The following TMEM63B variants were observed in gnomAD, a reference collection of about 807,000 sequenced individuals.
The protein encoded by TMEM63B is mechanosensitive cation channel TMEM63B.
TMEM63B carries 23 observed loss-of-function variants against 102.6 expected under a neutral mutation model. The ratio of observed to expected loss-of-function variants is 0.22; its 90% CI spans 0.16 to 0.32. TMEM63B has a LOEUF of 0.32. Ranked by LOEUF, TMEM63B falls within the 10% of genes least tolerant of loss-of-function variation. TMEM63B has a pLI of 1.00. For missense variants in TMEM63B, 628 were observed against 1,095.9 expected, an observed-to-expected ratio of 0.57 and a Z score of 6.03; for synonymous variants, 444 against 437.0, an observed-to-expected ratio of 1.02 and a Z score of -0.20.
intron 6 of TMEM63B, 26 bp downstream of exon 6, chr6:44,138,543 A>G: frequency 2.5e-6 from 4 of 1,613,804 alleles, no homozygotes; most frequent in Non-Finnish European, 3.4e-6. Context: ...TCAAGCTCTA[A>G]AGAAAGAGAG....
Position 44,152,051 on chromosome 6 carries a change from G to C in TMEM63B, c.1836+43G>C, listed in dbSNP as rs1348028554. On this transcript the variant is annotated intron_variant, in intron 19 of 23. Transcript: ENST00000323267. This position sits in a 1 kb window ranked among gnomAD's most constrained non-coding sequence, Gnocchi z 6.4. The stretch of plus-strand genomic sequence containing the variant: ...AGCAGCGGCCCGCACAGCGCCCCCT[G>C]GTGGCCCAACAAGAAACAGCAGCCA... The C allele has an allele frequency of 6.5e-7, 1 of 1,544,558 alleles. No homozygotes were observed. Among genetic ancestry groups the C allele is most frequent in the Non-Finnish European group, 8.7e-7 (1 of 1,149,226 alleles).
In TMEM63B at chr6:44,139,701, C is replaced by A; in HGVS notation, c.551-7C>A. The A allele has an allele frequency of 1.2e-6, 2 of 1,614,162 alleles. No individual in the cohort carries two copies. The highest frequency in any genetic ancestry group is 1.1e-5 in the South Asian group (1 of 91,082). On this transcript the variant is annotated splice_polypyrimidine_tract_variant and splice_region_variant and intron_variant, in intron 7 of 23. Coordinates refer to ENST00000323267, the MANE Select transcript of TMEM63B (RefSeq NM_018426.3). The stretch of plus-strand genomic sequence containing the variant: ...ACCATCATCCTCTCCCTCTTCCCAC[C>A]CCACAGAGAACAATGCCTACAGCTT...
In TMEM63B at chr6:44,127,813, G is replaced by T. The variant is rs1777488286; in HGVS notation, c.-25+135G>T. On this transcript the variant is annotated intron_variant, in intron 1 of 23. Coordinates refer to ENST00000323267, the MANE Select transcript of TMEM63B (RefSeq NM_018426.3). ...GGGACCCAGAGGTGCCCGGGCCCGC[G>T]GGACCCAGGGGTGGCGCGCGCTGCC... 2.0e-5 allele frequency: 3 copies of T among 151,528 alleles called. No individual in the cohort carries two copies. The South Asian group carries it at 6.3e-4, about 32-fold the overall frequency. The allele number at this position is 151,528 out of a possible 1,614,324, so 9.4% of individuals were successfully genotyped here.
chr6:44,153,865 A>G (rs928318508), intron 21 of TMEM63B, 22 bp downstream of exon 21: 1 of 1,607,920 alleles, frequency 6.2e-7, no homozygotes, highest in Non-Finnish European at 8.5e-7. Flanking sequence ...CTACCCAGGG[A>G]ACGGGGGGTG....
chr6:44,135,518 T>A, intron 4 of TMEM63B, 152 bp downstream of exon 4: 1 of 998,430 alleles, frequency 1.0e-6, no homozygotes, highest in South Asian at 1.8e-5. Context: ...GCGGTGTGCT[T>A]TGCAGAGCAG....
intron 9 of TMEM63B, among the ~76,000 whole-genome samples, chr6:44,140,792 G>T (rs545847156): frequency 3.9e-4 from 59 of 152,202 alleles, no homozygotes; most frequent in African/African-American, 1.4e-3. Flanking sequence ...ATGGGACGGC[G>T]TGGCTCTTTT....
upstream of TMEM63B, chr6:44,127,164 CGGG>C (rs1258121806): frequency 5.7e-5 from 6 of 105,892 alleles, no homozygotes; most frequent in African/African-American, 2.1e-4. Flanking sequence ...CCCTCCCCGT[CGGG>C]ACCCCCCTCC....
intron 5 of TMEM63B, chr6:44,138,256 T>G: frequency 2.2e-6 from 1 of 448,986 alleles, no homozygotes; most frequent in Non-Finnish European, 4.2e-6. Flanking sequence ...GATTCACAGA[T>G]AAACCTGTTT....
At chr6:44,134,848 T>C (rs1190206796) in intron 2 of TMEM63B, 105 bp downstream of exon 2, 5 of 1,529,228 alleles carry the variant, frequency 3.3e-6, no homozygotes, top group African/African-American at 2.7e-5. Flanking sequence ...TTTCCCAGGC[T>C]TAAGCAGGAG....
rs1348264729 is a variant in TMEM63B, at chr6:44,152,198, G to A, written c.1836+190G>A. Among the ~76,000 whole-genome samples, 1 of 152,170 alleles carries A rather than the reference G, an allele frequency of 6.6e-6. No homozygotes were observed. Among genetic ancestry groups the A allele is most frequent in the Non-Finnish European group, 1.5e-5 (1 of 68,020 alleles). On this transcript the variant is annotated intron_variant, in intron 19 of 23. Transcript: ENST00000323267. This position sits in a 1 kb window ranked among gnomAD's most constrained non-coding sequence, Gnocchi z 6.4. ...TCGTATTCTGCCATGGGTGGACATA[G>A]GTAACCCTGAAGGCCCCTGCCAGTT...
intron 5 of TMEM63B, among the ~76,000 whole-genome samples, chr6:44,136,872 C>T (rs543797277): frequency 3.9e-5 from 6 of 152,260 alleles, no homozygotes; most frequent in South Asian, 2.1e-4. Context: ...GGTGAAACCC[C>T]GTCTCTACTA....
chr6:44,153,818 G>A lies in TMEM63B; in HGVS notation c.2085G>A (p.Leu695=), dbSNP rs1211198445. ...CGCCCATCCTCTGCCTCTTCTGGCT[G>A]CTCTTCTTTTCCACCATGCGCACGG... The part of the protein sequence containing the change: ...VAAPILCLFW[L]LFFSTMRTGF... Residue 695 remains leucine, a synonymous_variant, in exon 21 of 24, where the codon CTG becomes CTA. Transcript: ENST00000323267. 1 of 1,613,934 alleles carries A rather than the reference G, an allele frequency of 6.2e-7. No individual in the cohort carries two copies. The highest frequency in any genetic ancestry group is 8.5e-7 in the Non-Finnish European group (1 of 1,179,912).
chr6:44,151,574 ACAGT>A (rs1212620515), intron 18 of TMEM63B, among the ~76,000 whole-genome samples: 12 of 152,192 alleles, frequency 7.9e-5, no homozygotes, highest in East Asian at 7.7e-4. Context: ...GGGGTCCTGG[ACAGT>A]TCTCCCCTGA....
intron 6 of TMEM63B, chr6:44,138,798 A>G (rs1276913843): frequency 7.7e-6 from 3 of 388,090 alleles, no homozygotes; most frequent in Non-Finnish European, 1.4e-5. Context: ...CCCTGCCTCA[A>G]CCTCTGTGCA....
chr6:44,134,909 A>C, intron 2 of TMEM63B, 108 bp from the exon 3 acceptor site: 1 of 1,503,628 alleles, frequency 6.7e-7, no homozygotes, highest in Non-Finnish European at 9.1e-7. Context: ...CACCCAAGCC[A>C]GGGTCATCCC....
Position 44,155,148 on chromosome 6 carries a change from T to G in TMEM63B, c.*265T>G. The G allele has an allele frequency of 3.5e-6, 1 of 282,988 alleles. No homozygotes were observed. The highest frequency in any genetic ancestry group is 6.6e-6 in the Non-Finnish European group (1 of 152,432). The allele number at this position is 282,988 out of a possible 1,614,324, so 17.5% of individuals were successfully genotyped here. A position where few individuals can be genotyped will look rare whatever the true frequency, so the allele number is the denominator to read the frequency against. ...CCCCCAGATCAGTACCCCCCACCCC[T>G]CCCCAGCTAGTAGCATGACCAGGAG... On this transcript the variant is annotated 3_prime_UTR_variant, in exon 24 of 24. Coordinates refer to ENST00000323267, the MANE Select transcript of TMEM63B (RefSeq NM_018426.3).
At chr6:44,127,857 C>G (rs1777496799) in intron 1 of TMEM63B, 179 bp downstream of exon 1, 2 of 151,692 alleles carry the variant, frequency 1.3e-5, no homozygotes, top group South Asian at 4.2e-4. Context: ...CGCACCATCC[C>G]GAGCCAAATG....
intron 1 of TMEM63B, chr6:44,127,925 C>T (rs1369470578): frequency 6.6e-6 from 1 of 151,960 alleles, no homozygotes; most frequent in Non-Finnish European, 1.5e-5. Flanking sequence ...TCCCCAGCCC[C>T]GGGGAGATCC....
chr6:44,148,808 CG>C lies in TMEM63B; in HGVS notation c.1277del (p.Arg426GlnfsTer109). ...QNIYWEHLSI[R>X]GFIWWLRCLV... ...CCTTGCCAGGGAGCACCTCTCCATC[CG>C]AGGCTTCATCTGGTGGCTGCGCTGC... On this transcript the variant is annotated frameshift_variant, in exon 15 of 24. Transcript: ENST00000323267. LOFTEE classifies it high-confidence loss of function. The surrounding 1 kb of genome is among the most constrained non-coding windows in gnomAD (Gnocchi z 5.1). The C allele has an allele frequency of 6.2e-7, 1 of 1,614,150 alleles. No homozygotes were observed.
Sources: gnomAD v4.1 joint callset for allele counts (sites outside exome capture counted in the v4.1 genomes callset) on GRCh38, gnomAD v4.1.1 for gene constraint, Gnocchi (gnomAD v3.1) non-coding constraint, MANE v1.5 for transcripts, NCBI Gene and HGNC (gene_info 2026-07-23, HGNC 2026-07-21) for gene names.